GPRIN3: variants seen among roughly 807,000 people sequenced by gnomAD.
GPRIN3 encodes GPRIN family member 3.
A neutral mutation model predicts 13.7 loss-of-function variants in GPRIN3; 12 were observed. The ratio of observed to expected loss-of-function variants is 0.87; its 90% CI spans 0.56 to 1.42. The LOEUF is 1.42. GPRIN3 is among the 40% of genes most tolerant of loss of function. The pLI, the probability that GPRIN3 is intolerant of heterozygous loss-of-function variation, is 0.00. For missense variants in GPRIN3, 1,009 were observed against 958.7 expected, an observed-to-expected ratio of 1.05 and a Z score of -0.69; for synonymous variants, 377 against 372.7, an observed-to-expected ratio of 1.01 and a Z score of -0.13.
Position 89,249,665 on chromosome 4 carries a change from G to A in GPRIN3, c.446C>T (p.Ser149Phe), listed in dbSNP as rs761386552. ...TCTCATCAGGGAATCTTCAGGCATG[G>A]ATGAGGTGATGGCATTGGGCTGATC... ...PGDQPNAITSSMPEDSLMRSQ... is the reference protein window; with the variant it reads ...PGDQPNAITSFMPEDSLMRSQ... Residue 149 changes from serine (S) to phenylalanine (F), a missense_variant, in exon 2 of 2, where the codon TCC (serine) becomes TTC (phenylalanine). Transcript: ENST00000609438. 11 of 1,614,068 alleles carry A rather than the reference G, an allele frequency of 6.8e-6. No homozygotes were observed. The highest frequency in any genetic ancestry group is 9.3e-6 in the Non-Finnish European group (11 of 1,180,022).
rs965616093 is a variant in GPRIN3 at position 89,239,248 on chromosome 4, A to T, written c.*8532T>A. The T allele has an allele frequency of 6.6e-6, 1 of 152,020 alleles. No homozygotes were observed. The highest frequency in any genetic ancestry group is 2.4e-5 in the African/African-American group (1 of 41,424). 9.4% of individuals were successfully genotyped at this position (152,020 alleles called of 1,614,324 possible). ...CTTGTAATATTATACCACACTTTTG[A>T]TCTTTCTTAGTTGAGTATTTACACA... On this transcript the variant is annotated 3_prime_UTR_variant, in exon 2 of 2. Coordinates refer to ENST00000609438, the MANE Select transcript of GPRIN3 (RefSeq NM_198281.3).
chr4:89,277,131 G>T (rs1724116541), intron 1 of GPRIN3, among the ~76,000 whole-genome samples: 1 of 152,080 alleles, frequency 6.6e-6, no homozygotes, highest in African/African-American at 2.4e-5. Context: ...CGGTGCTGTG[G>T]CCTCAGAACA....
chr4:89,262,887 A>G (rs1449737999), intron 1 of GPRIN3, among the ~76,000 whole-genome samples: 1 of 152,186 alleles, frequency 6.6e-6, no homozygotes, highest in Non-Finnish European at 1.5e-5. Context: ...ACATTCCTCA[A>G]ACAATAAATC....
rs1722872109 is a variant in GPRIN3, at chr4:89,239,679, T to G, written c.*8101A>C. The G allele has an allele frequency of 6.6e-6, 1 of 152,250 alleles. No individual in the cohort carries two copies. The allele number at this position is 152,250 out of a possible 1,614,324, so 9.4% of individuals were successfully genotyped here. ...ATTTCCATTTATATTTTCTTTTTTTTGAGACAGAGCCTTGCCCTGTCTCCC... is the reference window on the plus strand; with the variant it reads ...ATTTCCATTTATATTTTCTTTTTTTGGAGACAGAGCCTTGCCCTGTCTCCC... On this transcript the variant is annotated 3_prime_UTR_variant, in exon 2 of 2. Transcript: ENST00000609438.
In GPRIN3 at chr4:89,249,888, G is replaced by A. The variant is rs1440810736; in HGVS notation, c.223C>T (p.Gln75Ter). The A allele has an allele frequency of 1.2e-6, 2 of 1,614,198 alleles. No individual in the cohort carries two copies. The highest frequency in any genetic ancestry group is 2.2e-5 in the South Asian group (2 of 91,076). Reference protein sequence around the residue: ...LMQVCEHETTQPDMSSPGVFN... With the variant: ...LMQVCEHETT ...ACACCAGGAGAAGACATATCTGGTT[G>A]GGTGGTCTCATGCTCACAAACCTGC... Residue 75 changes from glutamine (Q) to a stop codon, truncating the protein, a stop_gained, in exon 2 of 2, where the codon CAA becomes TAA. Transcript: ENST00000609438. LOFTEE classifies it low-confidence loss of function (END_TRUNC).
rs1300426242 is a variant in GPRIN3, at chr4:89,243,826, T to C, written c.*3954A>G. The C allele has an allele frequency of 6.6e-6, 1 of 152,186 alleles. No homozygotes were observed. Among genetic ancestry groups the C allele is most frequent in the Non-Finnish European group, 1.5e-5 (1 of 68,024 alleles). 9.4% of individuals were successfully genotyped at this position (152,186 alleles called of 1,614,324 possible). On this transcript the variant is annotated 3_prime_UTR_variant, in exon 2 of 2. Coordinates refer to ENST00000609438, the MANE Select transcript of GPRIN3 (RefSeq NM_198281.3). ...ATGCAAACCTTATCCTAATGTATTG[T>C]TTTTCTTTATACTGATTCATAAAAG...
chr4:89,297,597 C>T (rs985352212), intron 1 of GPRIN3, among the ~76,000 whole-genome samples: 3 of 152,158 alleles, frequency 2.0e-5, no homozygotes, highest in Non-Finnish European at 4.4e-5. Context: ...AGGGCAAATA[C>T]ACAGAGATGG....
intron 1 of GPRIN3, among the ~76,000 whole-genome samples, chr4:89,282,575 C>T (rs1029227518): frequency 2.0e-5 from 3 of 148,326 alleles, no homozygotes; most frequent in African/African-American, 7.5e-5. Context: ...TTTCTTAAAA[C>T]ATATGTGATT....
intron 1 of GPRIN3, among the ~76,000 whole-genome samples, chr4:89,303,405 T>C (rs1302399492): frequency 6.6e-6 from 1 of 152,222 alleles, no homozygotes; most frequent in East Asian, 1.9e-4. Flanking sequence ...AGTTCAACAG[T>C]AACATTCAAC....
rs540650334 is a variant in GPRIN3, at chr4:89,279,352, C to G, written c.-124+28263G>C. Reference sequence around the variant, plus strand: ...CGCGCCCTGCCACCATGGCCATACCCTAACTGCTCTATAGAGCCCATGTGT... The same window carrying G: ...CGCGCCCTGCCACCATGGCCATACCGTAACTGCTCTATAGAGCCCATGTGT... On this transcript the variant is annotated intron_variant, in intron 1 of 1. Coordinates refer to ENST00000609438, the MANE Select transcript of GPRIN3 (RefSeq NM_198281.3). 4.6e-5 allele frequency among the ~76,000 whole-genome samples: 7 copies of G among 152,312 alleles called. 1 individual carries two copies. The highest frequency in any genetic ancestry group is 1.7e-4 in the African/African-American group (7 of 41,552).
At chr4:89,302,780 T>A (rs1245317828) in intron 1 of GPRIN3, among the ~76,000 whole-genome samples, 2 of 152,212 alleles carry the variant, frequency 1.3e-5, no homozygotes, top group Non-Finnish European at 2.9e-5. Context: ...TATTCCAGAC[T>A]TGACTCTTAC....
Position 89,247,577 on chromosome 4 carries a change from T to C in GPRIN3, c.*203A>G, listed in dbSNP as rs898275877. 12 of 504,684 alleles carry C rather than the reference T, an allele frequency of 2.4e-5. No homozygotes were observed. The Admixed American group carries it at 2.6e-4, about 11-fold the overall frequency. 31.3% of individuals were successfully genotyped at this position (504,684 alleles called of 1,614,324 possible). ...TTCAGTGAAGCTTGTTTCTCTTTTCTTGTTCCTTCTTTCAAATTGAAATGA... is the reference window on the plus strand; with the variant it reads ...TTCAGTGAAGCTTGTTTCTCTTTTCCTGTTCCTTCTTTCAAATTGAAATGA... On this transcript the variant is annotated 3_prime_UTR_variant, in exon 2 of 2. Transcript: ENST00000609438.
intron 1 of GPRIN3, among the ~76,000 whole-genome samples, chr4:89,291,803 C>A (rs760954836): frequency 6.8e-6 from 1 of 146,922 alleles, no homozygotes; most frequent in Non-Finnish European, 1.5e-5. Flanking sequence ...TGCTTCATAT[C>A]CTTACCAACA....
intron 1 of GPRIN3, among the ~76,000 whole-genome samples, chr4:89,303,185 G>C (rs1724944557): frequency 6.6e-6 from 1 of 152,194 alleles, no homozygotes; most frequent in Non-Finnish European, 1.5e-5. Context: ...TAACTAAGAA[G>C]ATGGACAAGT....
rs933789131 is a variant in GPRIN3, at chr4:89,239,565, T to A, written c.*8215A>T. The A allele has an allele frequency of 6.6e-6, 1 of 152,258 alleles. No individual in the cohort carries two copies. The highest frequency in any genetic ancestry group is 1.5e-5 in the Non-Finnish European group (1 of 68,046). 9.4% of individuals were successfully genotyped at this position (152,258 alleles called of 1,614,324 possible). Reference sequence around the variant, plus strand: ...ACATTCGTTCTCTAAAACATGAATATGTTTTTAAATGTTATTCTTAACTTT... The same window carrying A: ...ACATTCGTTCTCTAAAACATGAATAAGTTTTTAAATGTTATTCTTAACTTT... On this transcript the variant is annotated 3_prime_UTR_variant, in exon 2 of 2. Coordinates refer to ENST00000609438, the MANE Select transcript of GPRIN3 (RefSeq NM_198281.3).
Position 89,247,808 on chromosome 4 carries a change from C to T in GPRIN3, c.2303G>A (p.Arg768His), listed in dbSNP as rs145667508. Reference sequence around the variant, plus strand: ...ATCTAACACAGAAGACGGGGCAGGACGGACGCAGCAGTTGGGGCGTCGGAA... The same window carrying T: ...ATCTAACACAGAAGACGGGGCAGGATGGACGCAGCAGTTGGGGCGTCGGAA... ...QNFRRPNCCV[R>H]PAPSSVLD Residue 768 changes from arginine to histidine, a missense_variant, in exon 2 of 2, where the codon CGT becomes CAT. By Grantham distance (29) the Arg-to-His change is conservative. Transcript: ENST00000609438. 46 of 1,612,944 alleles carry T rather than the reference C, an allele frequency of 2.9e-5. No homozygotes were observed. Among genetic ancestry groups the T allele is most frequent in the African/African-American group, 2.3e-4 (17 of 74,870 alleles).
intron 1 of GPRIN3, among the ~76,000 whole-genome samples, chr4:89,260,949 T>A (rs571548982): frequency 1.3e-5 from 2 of 152,308 alleles, no homozygotes; most frequent in South Asian, 4.1e-4. Context: ...CACACTTATG[T>A]CTCTGAGGAG....
At chr4:89,294,362 C>T (rs541825804) in intron 1 of GPRIN3, among the ~76,000 whole-genome samples, 3 of 152,228 alleles carry the variant, frequency 2.0e-5, no homozygotes, top group East Asian at 1.9e-4. Flanking sequence ...GCCTGGGTGA[C>T]AAAATGAGAC....
In GPRIN3 at chr4:89,306,862, C is replaced by A. The variant is rs77028951; in HGVS notation, c.-124+753G>T. On this transcript the variant is annotated intron_variant, in intron 1 of 1. Transcript: ENST00000609438. ...CACTTCCCAGTGGCATATTAAGTACCTCTCCTTTTTTCCCTCTTTCACTGT... is the reference window on the plus strand; with the variant it reads ...CACTTCCCAGTGGCATATTAAGTACATCTCCTTTTTTCCCTCTTTCACTGT... Among the ~76,000 whole-genome samples the A allele has an allele frequency of 2.5e-3, 376 of 152,236 alleles. 5 individuals carry two copies. The highest frequency in any genetic ancestry group is 8.8e-3 in the African/African-American group (364 of 41,522).
Sources: allele counts gnomAD v4.1 joint callset (sites outside exome capture counted in the v4.1 genomes callset), GRCh38; gene constraint gnomAD v4.1.1; transcripts MANE v1.5; gene names NCBI Gene and HGNC (gene_info 2026-07-23, HGNC 2026-07-21).